TPTE2: variants seen among roughly 807,000 people sequenced by gnomAD.
TPTE2 encodes phosphatidylinositol 3,4,5-trisphosphate 3-phosphatase TPTE2.
A neutral mutation model predicts 78.6 loss-of-function variants in TPTE2; 53 were observed. The observed-to-expected ratio is 0.67, with a 90% CI of 0.54 to 0.85. TPTE2 has a LOEUF of 0.85. Among genes scored for constraint, TPTE2 ranks in the 40% least tolerant of loss-of-function variants. The probability of loss-of-function intolerance (pLI) is 0.00; values close to 1 mark genes in which losing one functional copy is unlikely to be tolerated. For missense variants in TPTE2, 461 were observed against 623.0 expected (o/e 0.74, Z 2.77); for synonymous variants, 175 against 206.2 (o/e 0.85, Z 1.30).
intron 4 of TPTE2, among the ~76,000 whole-genome samples, chr13:19,479,251 T>C (rs1447475720): frequency 6.6e-6 from 1 of 152,176 alleles, no homozygotes; most frequent in African/African-American, 2.4e-5. Flanking sequence ...TTGATTTGAA[T>C]TTTTAGGCAT....
At chr13:19,557,379 A>G in the TPTE2 span, among the ~76,000 whole-genome samples, 12 of 152,152 alleles carry the variant, frequency 7.9e-5, no homozygotes, top group African/African-American at 2.9e-4. Context: ...GCAGGGAGTC[A>G]AGGCCCTGGT....
In TPTE2 at chr13:19,492,468, T is replaced by C. The variant is rs140046315; in HGVS notation, c.119+382A>G. 9.2e-3 allele frequency among the ~76,000 whole-genome samples: 1,408 copies of C among 152,262 alleles called. 27 individuals carry two copies. Among genetic ancestry groups the C allele is most frequent in the African/African-American group, 0.032 (1,320 of 41,550 alleles). On this transcript the variant is annotated intron_variant, in intron 3 of 19. Transcript: ENST00000400230. The stretch of plus-strand genomic sequence containing the variant: ...GGGTCTCAAACTCAGGAAACCTGAA[T>C]CCCTTAAAAAATTACCTACTAGAAA...
At chr13:19,499,836 C>G (rs1881648234) in intron 1 of TPTE2, among the ~76,000 whole-genome samples, 1 of 150,736 alleles carries the variant, frequency 6.6e-6, no homozygotes, top group African/African-American at 2.5e-5. Context: ...ACAAAAAACC[C>G]TTCAAAAAAT....
chr13:19,528,851 G>A (rs1274224996), intron 1 of TPTE2, among the ~76,000 whole-genome samples: 3 of 152,174 alleles, frequency 2.0e-5, no homozygotes, highest in Non-Finnish European at 4.4e-5. Context: ...TGGGTGTGGT[G>A]GCTCACGCCT....
Position 19,451,192 on chromosome 13 carries a change from T to C in TPTE2, c.775A>G (p.Asn259Asp), listed in dbSNP as rs1260315340. ...CATAGATTGTAGACTCGATAGTGGT[T>C]TCGATGTTTCTTATCTAGAAACCGC... The change falls in exon 11 of 20, where the codon AAC (asparagine) becomes GAC (aspartate). Residue 259 changes from asparagine to aspartate, a missense_variant. Coordinates refer to ENST00000400230, the Ensembl canonical transcript of TPTE2. 4 of 1,613,512 alleles carry C rather than the reference T, an allele frequency of 2.5e-6. No individual in the cohort carries two copies. The South Asian group carries it at 4.4e-5, about 18-fold the overall frequency.
At chr13:19,472,263 C>A (rs911165147) in intron 6 of TPTE2, among the ~76,000 whole-genome samples, 1 of 152,184 alleles carries the variant, frequency 6.6e-6, no homozygotes, top group African/African-American at 2.4e-5. Flanking sequence ...ACTTTCTACA[C>A]TCCCCACCTC....
At chr13:19,534,540 C>A (rs1204488840) in intron 1 of TPTE2, among the ~76,000 whole-genome samples, 1 of 152,146 alleles carries the variant, frequency 6.6e-6, no homozygotes, top group Non-Finnish European at 1.5e-5. Context: ...AGCTCTAAAC[C>A]ACAAGCATAT....
intron 16 of TPTE2, among the ~76,000 whole-genome samples, chr13:19,431,433 C>T (rs1332575498): frequency 6.6e-6 from 1 of 152,068 alleles, no homozygotes; most frequent in Admixed American, 6.5e-5. Context: ...GACTTGGTTT[C>T]TCAGCCAATT....
At chr13:19,557,179 C>T in the TPTE2 span, among the ~76,000 whole-genome samples, 1 of 152,206 alleles carries the variant, frequency 6.6e-6, no homozygotes, top group Admixed American at 6.5e-5. Flanking sequence ...AATGTTCTAA[C>T]CCAAATTAGT....
chr13:19,425,627 G>A (rs1875980570), intron 18 of TPTE2: 1 of 443,014 alleles, frequency 2.3e-6, no homozygotes, highest in Non-Finnish European at 4.5e-6. Flanking sequence ...CCACCTCTCA[G>A]TCACAGCAGA....
At chr13:19,454,431 C>T (rs547720413) in intron 10 of TPTE2, among the ~76,000 whole-genome samples, 1 of 152,304 alleles carries the variant, frequency 6.6e-6, no homozygotes, top group Admixed American at 6.5e-5. Flanking sequence ...TATCACTGAA[C>T]ATGCAATCAC....
At chr13:19,499,309 T>C (rs1397857272) in intron 1 of TPTE2, among the ~76,000 whole-genome samples, 6 of 152,066 alleles carry the variant, frequency 3.9e-5, no homozygotes, top group Admixed American at 1.3e-4. Flanking sequence ...CTAATAGACA[T>C]CTACAGAACT....
At chr13:19,433,667 T>C (rs1261079351) in intron 15 of TPTE2, among the ~76,000 whole-genome samples, 1 of 152,110 alleles carries the variant, frequency 6.6e-6, no homozygotes, top group African/African-American at 2.4e-5. Flanking sequence ...GTAGATGTAG[T>C]CAGTAGAATG....
intron 4 of TPTE2, among the ~76,000 whole-genome samples, chr13:19,477,294 G>A (rs1246617444): frequency 1.3e-5 from 2 of 149,056 alleles, no homozygotes; most frequent in South Asian, 2.1e-4. Context: ...GAAATAATAT[G>A]TTAAAAAAAA....
intron 16 of TPTE2, among the ~76,000 whole-genome samples, chr13:19,430,832 T>C (rs2137471841): frequency 6.6e-6 from 1 of 152,096 alleles, no homozygotes; most frequent in Non-Finnish European, 1.5e-5. Flanking sequence ...AGAAAAAATA[T>C]TTAGGGAAGC....
intron 3 of TPTE2, among the ~76,000 whole-genome samples, chr13:19,489,524 T>G (rs1333399207): frequency 6.6e-6 from 1 of 150,588 alleles, no homozygotes; most frequent in Non-Finnish European, 1.5e-5. Context: ...AGGATATATA[T>G]ATGACTACTG....
chr13:19,472,142 G>C (rs1208654389), intron 6 of TPTE2, among the ~76,000 whole-genome samples: 1 of 151,982 alleles, frequency 6.6e-6, no homozygotes, highest in Non-Finnish European at 1.5e-5. Flanking sequence ...TAAATTCCTT[G>C]AGGTAGTCTT....
In TPTE2 at chr13:19,492,923, T is replaced by C. The variant is rs572057870; in HGVS notation, c.66-20A>G. 6 of 1,613,836 alleles carry C rather than the reference T, an allele frequency of 3.7e-6. No homozygotes were observed. The highest frequency in any genetic ancestry group is 3.4e-6 in the Non-Finnish European group (4 of 1,179,832). Reference sequence around the variant, plus strand: ...TGTGGGCTAGAGGATGATAAAAGAATACAGTCAGATAGGAGACACGATTCT... The same window carrying C: ...TGTGGGCTAGAGGATGATAAAAGAACACAGTCAGATAGGAGACACGATTCT... On this transcript the variant is annotated intron_variant, in intron 2 of 19. Coordinates refer to ENST00000400230, the Ensembl canonical transcript of TPTE2.
chr13:19,561,431 C>T, the TPTE2 span, among the ~76,000 whole-genome samples: 1 of 152,268 alleles, frequency 6.6e-6, no homozygotes, highest in East Asian at 1.9e-4. Context: ...AACCTAAGCA[C>T]ACCTTTGGGA....
Sources: gnomAD v4.1 joint callset for allele counts (sites outside exome capture counted in the v4.1 genomes callset) on GRCh38, gnomAD v4.1.1 for gene constraint, MANE v1.5 for transcripts, NCBI Gene and HGNC (gene_info 2026-07-23, HGNC 2026-07-21) for gene names.